The following DIAPH2 variants were observed in gnomAD, a reference collection of about 807,000 sequenced individuals.
DIAPH2 encodes the protein protein diaphanous homolog 2.
Under a neutral mutation model 92.7 loss-of-function variants are expected in DIAPH2, and 35 were observed. The observed-to-expected ratio is 0.38, with a 90% CI of 0.29 to 0.50. DIAPH2 has a LOEUF of 0.50. Among genes scored for constraint, DIAPH2 ranks in the 20% least tolerant of loss-of-function variants. The probability of loss-of-function intolerance (pLI) is 0.94; values close to 1 mark genes in which losing one functional copy is unlikely to be tolerated. For missense variants in DIAPH2, 701 were observed against 819.5 expected (o/e 0.86, Z 1.77); for synonymous variants, 301 against 280.4 (o/e 1.07, Z -0.73).
chrX:96,717,345 T>C (rs970197157), intron 1 of DIAPH2, among the ~76,000 whole-genome samples: 2 of 111,173 alleles, frequency 1.8e-5, no homozygotes, highest in Non-Finnish European at 1.9e-5. Flanking sequence ...GCTTGTTCTA[T>C]CAATTATTGA....
chrX:97,301,168 A>G lies in DIAPH2; in HGVS notation c.2845-46948A>G, dbSNP rs766968338. On this transcript the variant is annotated intron_variant, in intron 23 of 26. Coordinates refer to ENST00000324765, the MANE Select transcript of DIAPH2 (RefSeq NM_006729.5). ...TCCGTCTCAAAAAAAAAAAAAAAAAAAAAGAAAATTTAAGTAATTGGATGA... is the reference window on the plus strand; with the variant it reads ...TCCGTCTCAAAAAAAAAAAAAAAAAGAAAGAAAATTTAAGTAATTGGATGA... Among the ~76,000 whole-genome samples, 228 of 106,054 alleles carry G rather than the reference A, an allele frequency of 2.1e-3. 2 individuals carry two copies. Among genetic ancestry groups the G allele is most frequent in the African/African-American group, 7.2e-3 (209 of 29,108 alleles). 92.1% of individuals were successfully genotyped at this position (106,054 alleles called of 115,157 possible). A position where few individuals can be genotyped will look rare whatever the true frequency, so the allele number is the denominator to read the frequency against.
intron 4 of DIAPH2, among the ~76,000 whole-genome samples, chrX:96,855,891 A>G (rs1602568622): frequency 8.9e-6 from 1 of 111,794 alleles, no homozygotes; most frequent in East Asian, 2.8e-4. Flanking sequence ...CATGGAAATA[A>G]CAATATATGG....
At chrX:97,120,151 G>A (rs977721200) in intron 21 of DIAPH2, among the ~76,000 whole-genome samples, 2 of 110,986 alleles carry the variant, frequency 1.8e-5, no homozygotes, top group African/African-American at 3.3e-5. Context: ...GCTGCCCTCC[G>A]GAAGGATCCC....
At chrX:97,470,528 G>A (rs1439962801) in intron 26 of DIAPH2, among the ~76,000 whole-genome samples, 1 of 110,357 alleles carries the variant, frequency 9.1e-6, no homozygotes, top group East Asian at 2.8e-4. Context: ...TTCTACTATT[G>A]AGATACTTTA....
chrX:96,962,486 CACACACACACATATATATAT>C (rs1320120418), intron 16 of DIAPH2, among the ~76,000 whole-genome samples: 6 of 22,774 alleles, frequency 2.6e-4, no homozygotes, highest in African/African-American at 8.7e-4. Flanking sequence ...TATACACACA[CACACACACACATATATATAT>C]ATATATATAT....
intron 1 of DIAPH2, among the ~76,000 whole-genome samples, chrX:96,702,113 T>G (rs1444697185): frequency 8.9e-6 from 1 of 112,275 alleles, no homozygotes; most frequent in Non-Finnish European, 1.9e-5. Flanking sequence ...GCAGATCCTA[T>G]TAGGAGTCTA....
At chrX:96,793,624 C>T in intron 4 of DIAPH2, 1 of 374,439 alleles carries the variant, frequency 2.7e-6, no homozygotes, top group Non-Finnish European at 5.2e-6. Context: ...TGTATCCTCA[C>T]ATATTAGGAA....
At chrX:97,523,254 AG>A (rs1374912782) in intron 26 of DIAPH2, among the ~76,000 whole-genome samples, 1 of 111,380 alleles carries the variant, frequency 9.0e-6, no homozygotes, top group Non-Finnish European at 1.9e-5. Flanking sequence ...AGTATTTTTG[AG>A]ACCAGATAGA....
chrX:96,771,288 A>G (rs1426141338), intron 4 of DIAPH2, among the ~76,000 whole-genome samples: 1 of 111,846 alleles, frequency 8.9e-6, no homozygotes, highest in African/African-American at 3.2e-5. Context: ...GAAAAGATGT[A>G]TATTTCATGT....
chrX:97,053,388 A>T (rs2066534325), intron 17 of DIAPH2, among the ~76,000 whole-genome samples: 1 of 111,357 alleles, frequency 9.0e-6, no homozygotes, highest in Non-Finnish European at 1.9e-5. Context: ...CAGGTAGTTG[A>T]TATCAGGGTA....
chrX:97,291,693 C>T (rs1219491733), intron 23 of DIAPH2, among the ~76,000 whole-genome samples: 4 of 109,921 alleles, frequency 3.6e-5, no homozygotes, highest in East Asian at 5.8e-4. Context: ...CCACATCTCC[C>T]GGCTAATTTT....
rs764154579 is a variant in DIAPH2 at position 96,833,935 on chromosome X, A to G, written c.448-47644A>G. Among the ~76,000 whole-genome samples, 4 of 111,623 alleles carry G rather than the reference A, an allele frequency of 3.6e-5. No individual in the cohort carries two copies. In the South Asian group the frequency reaches 1.5e-3, roughly 42 times the overall value. ...CGCTCTCCCAAAGTGCTGGGATTAC[A>G]GGTGTGAGCCACCACCACGCCCGGC... On this transcript the variant is annotated intron_variant, in intron 4 of 26. Transcript: ENST00000324765.
intron 22 of DIAPH2, among the ~76,000 whole-genome samples, chrX:97,241,878 C>T (rs1293884524): frequency 4.0e-5 from 4 of 101,214 alleles, no homozygotes; most frequent in East Asian, 3.1e-4. Context: ...CGGATTCCAG[C>T]GATTCTCCTG....
chrX:97,069,116 C>T (rs1198747434), intron 17 of DIAPH2, among the ~76,000 whole-genome samples: 4 of 110,468 alleles, frequency 3.6e-5, no homozygotes, highest in African/African-American at 1.3e-4. Context: ...GCGCCCACCA[C>T]CACGCCCGGC....
In DIAPH2 at chrX:96,819,840, C is replaced by T. The variant is rs966218607; in HGVS notation, c.447+61582C>T. On this transcript the variant is annotated intron_variant, in intron 4 of 26. Coordinates refer to ENST00000324765, the MANE Select transcript of DIAPH2 (RefSeq NM_006729.5). ...TGTTGAATGCCTGCTATGCACTGAG[C>T]ACTTTTCTGGGTGCTGAAGATGTAG... Among the ~76,000 whole-genome samples, 24 of 111,836 alleles carry T rather than the reference C, an allele frequency of 2.1e-4. No individual in the cohort carries two copies. In the East Asian group the frequency reaches 6.2e-3, roughly 29 times the overall value.
At chrX:97,584,044 C>T (rs1016649090) in intron 26 of DIAPH2, among the ~76,000 whole-genome samples, 55 of 112,635 alleles carry the variant, frequency 4.9e-4, no homozygotes, top group African/African-American at 1.6e-3. Context: ...GCGCACGGTG[C>T]GTGCACCCAC....
At chrX:96,756,961 A>G (rs2064234421) in intron 3 of DIAPH2, among the ~76,000 whole-genome samples, 1 of 82,484 alleles carries the variant, frequency 1.2e-5, no homozygotes, top group Non-Finnish European at 2.2e-5. Flanking sequence ...TCTGTCACCC[A>G]GGCTGGAGTG....
intron 26 of DIAPH2, among the ~76,000 whole-genome samples, chrX:97,565,906 T>TG (rs1286058100): frequency 8.9e-6 from 1 of 112,429 alleles, no homozygotes; most frequent in Non-Finnish European, 1.9e-5. Flanking sequence ...CCATTCATCT[T>TG]GCATGTGTAT....
intron 1 of DIAPH2, among the ~76,000 whole-genome samples, chrX:96,700,907 T>C (rs1350554345): frequency 8.9e-6 from 1 of 112,248 alleles, no homozygotes; most frequent in Non-Finnish European, 1.9e-5. Context: ...GGTCCCACTG[T>C]ATTTTTACAT....
Sources: allele counts gnomAD v4.1 joint callset (sites outside exome capture counted in the v4.1 genomes callset), GRCh38; gene constraint gnomAD v4.1.1; transcripts MANE v1.5; gene names NCBI Gene and HGNC (gene_info 2026-07-23, HGNC 2026-07-21).